The following IDO2 variants were observed in gnomAD, a reference collection of about 807,000 sequenced individuals.
IDO2 encodes indoleamine 2,3-dioxygenase 2.
In IDO2, 46 loss-of-function variants were observed where a neutral mutation model predicts 45.1. The observed-to-expected ratio is 1.02, with a 90% CI of 0.80 to 1.30. The LOEUF is 1.30. Ranked by LOEUF, IDO2 falls within the 50% of genes most tolerant of loss-of-function variation. The probability of loss-of-function intolerance (pLI) is 0.00; values close to 1 mark genes in which losing one functional copy is unlikely to be tolerated. For missense variants in IDO2, 544 were observed against 491.8 expected, an observed-to-expected ratio of 1.11 and a Z score of -1.00; for synonymous variants, 218 against 184.9, an observed-to-expected ratio of 1.18 and a Z score of -1.45.
At chr8:40,015,708 C>G in exon 11 of IDO2, 1 of 802,990 alleles carries the variant, frequency 1.2e-6, no homozygotes, top group Non-Finnish European at 2.0e-6. Flanking sequence ...GATCTCAGCC[C>G]TATTCATGTT....
At chr8:39,944,898 A>G (rs973079635) in intron 1 of IDO2, among the ~76,000 whole-genome samples, 1 of 152,102 alleles carries the variant, frequency 6.6e-6, no homozygotes, top group African/African-American at 2.4e-5. Flanking sequence ...CGTTTTTCCA[A>G]CTCGTTCAGG....
At chr8:39,989,212 G>T (rs1012055007) in intron 7 of IDO2, among the ~76,000 whole-genome samples, 9 of 152,144 alleles carry the variant, frequency 5.9e-5, no homozygotes, top group Non-Finnish European at 1.3e-4. Flanking sequence ...CAGATTTTGT[G>T]AAAACTCTCC....
chr8:40,011,174 G>C (rs1312453785), intron 9 of IDO2, among the ~76,000 whole-genome samples: 2 of 152,194 alleles, frequency 1.3e-5, no homozygotes, highest in African/African-American at 4.8e-5. Flanking sequence ...GCCTCCCAAA[G>C]TGCTGGGATT....
chr8:39,939,130 C>A (rs907687267), intron 1 of IDO2, among the ~76,000 whole-genome samples: 3 of 151,660 alleles, frequency 2.0e-5, no homozygotes, highest in Non-Finnish European at 4.4e-5. Flanking sequence ...CGGGCGCCTG[C>A]TACTCGGGAG....
At chr8:40,000,724 T>C (rs1434254046) in intron 8 of IDO2, among the ~76,000 whole-genome samples, 1 of 152,210 alleles carries the variant, frequency 6.6e-6, no homozygotes, top group Non-Finnish European at 1.5e-5. Context: ...AGGTTTTCTG[T>C]AGGGTGGACA....
At chr8:39,989,874 G>T in intron 8 of IDO2, 36 bp downstream of exon 8, 1 of 1,446,828 alleles carries the variant, frequency 6.9e-7, no homozygotes, top group South Asian at 1.2e-5. Flanking sequence ...GGATCCCCCA[G>T]GGGTCCTGGG....
chr8:39,996,276 C>G (rs1314016097), intron 8 of IDO2, among the ~76,000 whole-genome samples: 1 of 152,182 alleles, frequency 6.6e-6, no homozygotes, highest in African/African-American at 2.4e-5. Context: ...GCTCCTAGTC[C>G]TGAACACCTG....
At chr8:39,939,936 T>C (rs1306803821) in intron 1 of IDO2, among the ~76,000 whole-genome samples, 2 of 142,586 alleles carry the variant, frequency 1.4e-5, no homozygotes, top group Non-Finnish European at 3.1e-5. Context: ...CTTTCCTTTT[T>C]CTAATTTCTC....
At chr8:39,980,190 G>A (rs188999167) in intron 4 of IDO2, among the ~76,000 whole-genome samples, 25 of 152,098 alleles carry the variant, frequency 1.6e-4, no homozygotes, top group Non-Finnish European at 3.2e-4. Flanking sequence ...AAATTATCTA[G>A]GTTGCTCTTC....
intron 8 of IDO2, among the ~76,000 whole-genome samples, chr8:40,002,289 G>GT (rs1321057684): frequency 2.0e-5 from 3 of 152,026 alleles, no homozygotes; most frequent in Non-Finnish European, 4.4e-5. Context: ...AAATGAATGG[G>GT]TGTGTTTTCT....
chr8:39,975,826 C>CA (rs1212985515), intron 3 of IDO2, among the ~76,000 whole-genome samples: 4 of 151,610 alleles, frequency 2.6e-5, no homozygotes, highest in South Asian at 2.1e-4. Flanking sequence ...TTTATCATAG[C>CA]AAAAAAACAT....
At chr8:39,998,799 C>T (rs112782415) in intron 8 of IDO2, among the ~76,000 whole-genome samples, 2 of 151,798 alleles carry the variant, frequency 1.3e-5, no homozygotes, top group Non-Finnish European at 2.9e-5. Flanking sequence ...CACCACCACA[C>T]CCCACTAATT....
At position 39,993,997 on chromosome 8, in the gene IDO2, A is replaced by T. The variant is rs376507024; in HGVS notation, c.667+4159A>T. On this transcript the variant is annotated intron_variant, in intron 8 of 10. Transcript: ENST00000502986. ...ACTCCAGCCTGGGCGACAGAGTGAG[A>T]CTCTGTCCCCAAAAAAATAAATAAA... Among the ~76,000 whole-genome samples the T allele has an allele frequency of 2.6e-4, 39 of 152,152 alleles. 2 individuals carry two copies. In the South Asian group the frequency reaches 7.7e-3, roughly 30 times the overall value.
rs561954613 is a variant in IDO2 at position 39,950,923 on chromosome 8, A to G, written c.99+1659A>G. On this transcript the variant is annotated intron_variant, in intron 2 of 10. Transcript: ENST00000502986. Reference sequence around the variant, plus strand: ...GGACAGCCACTAATAGTGGCTAGCAATCTTATAGTAAGAAATTGTGACTTT... The same window carrying G: ...GGACAGCCACTAATAGTGGCTAGCAGTCTTATAGTAAGAAATTGTGACTTT... Among the ~76,000 whole-genome samples the G allele has an allele frequency of 2.6e-4, 39 of 152,268 alleles. 1 individual carries two copies. The South Asian group carries it at 7.9e-3, about 31-fold the overall frequency.
At chr8:40,011,199 C>T (rs1802305665) in intron 9 of IDO2, among the ~76,000 whole-genome samples, 1 of 152,216 alleles carries the variant, frequency 6.6e-6, no homozygotes, top group Non-Finnish European at 1.5e-5. Context: ...GCATGAGCCA[C>T]CCCATCCAGC....
chr8:39,984,138 A>G (rs1428353902), intron 5 of IDO2, among the ~76,000 whole-genome samples: 2 of 152,218 alleles, frequency 1.3e-5, no homozygotes, highest in Non-Finnish European at 2.9e-5. Context: ...ACAGAATAAG[A>G]GAAGGTTGAA....
At chr8:40,013,534 C>A in intron 9 of IDO2, 31 bp from the exon 10 acceptor site, 1 of 1,602,952 alleles carries the variant, frequency 6.2e-7, no homozygotes, top group South Asian at 1.1e-5. Flanking sequence ...CCCTGCACCC[C>A]TTTCATCTCT....
At chr8:39,938,111 C>T (rs944891406) in intron 1 of IDO2, among the ~76,000 whole-genome samples, 12 of 152,162 alleles carry the variant, frequency 7.9e-5, no homozygotes, top group African/African-American at 2.9e-4. Flanking sequence ...TTACAAGAAA[C>T]AGATATTAGA....
intron 9 of IDO2, among the ~76,000 whole-genome samples, chr8:40,007,408 T>A (rs1802240177): frequency 1.3e-5 from 2 of 151,728 alleles, no homozygotes; most frequent in Non-Finnish European, 2.9e-5. Context: ...GGGTACAGAG[T>A]GGAAGCAAGA....
Sources: gnomAD v4.1 joint callset for allele counts (sites outside exome capture counted in the v4.1 genomes callset) on GRCh38, gnomAD v4.1.1 for gene constraint, MANE v1.5 for transcripts, NCBI Gene and HGNC (gene_info 2026-07-23, HGNC 2026-07-21) for gene names.